The following MAGI2 variants were observed in gnomAD, a reference collection of about 807,000 sequenced individuals.
MAGI2 encodes membrane-associated guanylate kinase, WW and PDZ domain-containing protein 2.
MAGI2 carries 35 observed loss-of-function variants against 133.3 expected under a neutral mutation model. The ratio of observed to expected loss-of-function variants is 0.26; its 90% CI spans 0.20 to 0.35. The LOEUF is 0.35. Ranked by LOEUF, MAGI2 falls within the 10% of genes least tolerant of loss-of-function variation. The pLI, the probability that MAGI2 is intolerant of heterozygous loss-of-function variation, is 1.00. For missense variants in MAGI2, 1,636 were observed against 1,863.4 expected (o/e 0.88, Z 2.25); for synonymous variants, 729 against 710.6 (o/e 1.03, Z -0.41).
chr7:78,327,350 T>C (rs1584890071), intron 9 of MAGI2, among the ~76,000 whole-genome samples: 1 of 152,250 alleles, frequency 6.6e-6, no homozygotes. Flanking sequence ...TTTCCTGTTA[T>C]GACTGGCAAA....
In MAGI2 at chr7:78,493,328, T is replaced by C. The variant is rs143878606; in HGVS notation, c.966-3488A>G. On this transcript the variant is annotated intron_variant, in intron 5 of 21. Coordinates refer to ENST00000354212, the MANE Select transcript of MAGI2 (RefSeq NM_012301.4). ...GAAAACATTCTTCTCACATAGAACA[T>C]GCTTCATTTCAACAAGAAAAGCTAT... Among the ~76,000 whole-genome samples, 819 of 152,328 alleles carry C rather than the reference T, an allele frequency of 5.4e-3. 11 individuals carry two copies. Among genetic ancestry groups the C allele is most frequent in the African/African-American group, 0.019 (786 of 41,576 alleles).
chr7:78,569,903 T>C (rs1259556072), intron 3 of MAGI2, among the ~76,000 whole-genome samples: 1 of 152,244 alleles, frequency 6.6e-6, no homozygotes, highest in East Asian at 1.9e-4. Context: ...GTACGTAATC[T>C]TTTTGCCTGA....
At chr7:78,350,291 T>C (rs1353614359) in intron 7 of MAGI2, 1 of 152,210 alleles carries the variant, frequency 6.6e-6, no homozygotes, top group Non-Finnish European at 1.5e-5. Flanking sequence ...AGTAAGTTCG[T>C]ATGTGGCAGT....
chr7:78,258,203 C>G (rs769528393), intron 9 of MAGI2, among the ~76,000 whole-genome samples: 2 of 152,106 alleles, frequency 1.3e-5, no homozygotes, highest in African/African-American at 4.8e-5. Context: ...CGTGGGTCCA[C>G]GGCTCAGAAC....
At chr7:78,520,062 G>C (rs1796365366) in intron 4 of MAGI2, among the ~76,000 whole-genome samples, 1 of 152,140 alleles carries the variant, frequency 6.6e-6, no homozygotes, top group Admixed American at 6.6e-5. Context: ...CATTTCATAG[G>C]AGACAAGTTA....
chr7:78,078,847 T>G, intron 21 of MAGI2, 100 bp downstream of exon 21: 6 of 1,317,598 alleles, frequency 4.6e-6, no homozygotes, highest in Non-Finnish European at 4.4e-6. Flanking sequence ...AATATATATT[T>G]AGGTAGAAGT....
rs1049711816 is a variant in MAGI2, at chr7:78,969,027, A to G, written c.418+38063T>C. On this transcript the variant is annotated intron_variant, in intron 2 of 21. Coordinates refer to ENST00000354212, the MANE Select transcript of MAGI2 (RefSeq NM_012301.4). ...CTGCAAGTATAGCTATGTAAGCTAGAGGCTTGCATATGTAAATGCCAGCAG... is the reference window on the plus strand; with the variant it reads ...CTGCAAGTATAGCTATGTAAGCTAGGGGCTTGCATATGTAAATGCCAGCAG... 5.3e-5 allele frequency among the ~76,000 whole-genome samples: 8 copies of G among 152,242 alleles called. No homozygotes were observed. The East Asian group carries it at 1.6e-3, about 30-fold the overall frequency.
intron 3 of MAGI2, among the ~76,000 whole-genome samples, chr7:78,584,371 G>C (rs1803166564): frequency 8.1e-6 from 1 of 122,778 alleles, no homozygotes; most frequent in East Asian, 2.3e-4. Flanking sequence ...AGTGAGCCAA[G>C]ATCGTACCAC....
chr7:78,520,821 T>C (rs1463079588), intron 4 of MAGI2, among the ~76,000 whole-genome samples: 2 of 152,196 alleles, frequency 1.3e-5, no homozygotes, highest in African/African-American at 4.8e-5. Context: ...GCTATTATTT[T>C]GCTTGTACAA....
rs1296846466 is a variant in MAGI2, at chr7:78,355,906, C to T, written c.1104-9863G>A. ...GTGATCACGTGCATAGAAACAGTGACTGAACGTGTTTTACCAGAAAATGTG... is the reference window on the plus strand; with the variant it reads ...GTGATCACGTGCATAGAAACAGTGATTGAACGTGTTTTACCAGAAAATGTG... On this transcript the variant is annotated intron_variant, in intron 7 of 21. Coordinates refer to ENST00000354212, the MANE Select transcript of MAGI2 (RefSeq NM_012301.4). Among the ~76,000 whole-genome samples, 3 of 152,116 alleles carry T rather than the reference C, an allele frequency of 2.0e-5. No homozygotes were observed. In the East Asian group the frequency reaches 5.8e-4, roughly 29 times the overall value.
At chr7:79,202,339 G>T (rs1426473785) in intron 1 of MAGI2, among the ~76,000 whole-genome samples, 3 of 151,884 alleles carry the variant, frequency 2.0e-5, no homozygotes, top group African/African-American at 7.3e-5. Context: ...ACTTAATTGG[G>T]AATGAGGAAG....
At chr7:79,305,731 G>T (rs966736808) in intron 1 of MAGI2, among the ~76,000 whole-genome samples, 4 of 151,984 alleles carry the variant, frequency 2.6e-5, no homozygotes, top group African/African-American at 9.7e-5. Context: ...AAAACAGTGA[G>T]ACCCTGTCTC....
chr7:78,555,262 C>A (rs1167309014), intron 3 of MAGI2, among the ~76,000 whole-genome samples: 2 of 151,356 alleles, frequency 1.3e-5, no homozygotes, highest in Non-Finnish European at 1.5e-5. Flanking sequence ...TTAACTACTT[C>A]TTGGGACTTT....
intron 7 of MAGI2, chr7:78,347,420 T>C (rs1791036470): frequency 6.6e-6 from 1 of 152,286 alleles, no homozygotes; most frequent in Admixed American, 6.5e-5. Flanking sequence ...AGTCCTGTAT[T>C]CAAATTCCAG....
At chr7:78,825,576 A>AT (rs1282354471) in intron 2 of MAGI2, among the ~76,000 whole-genome samples, 1 of 152,192 alleles carries the variant, frequency 6.6e-6, no homozygotes, top group Non-Finnish European at 1.5e-5. Context: ...ATTAGAGCTC[A>AT]TTTTTAAGAA....
intron 1 of MAGI2, among the ~76,000 whole-genome samples, chr7:79,020,493 G>A (rs964613993): frequency 2.4e-4 from 36 of 152,068 alleles, no homozygotes; most frequent in East Asian, 3.9e-4. Context: ...CTGGTCAGGC[G>A]CGGTGGCTGA....
chr7:79,144,916 TAGTC>T (rs1200797283), intron 1 of MAGI2, among the ~76,000 whole-genome samples: 1 of 152,216 alleles, frequency 6.6e-6, no homozygotes, highest in Non-Finnish European at 1.5e-5. Context: ...CAATTTATCT[TAGTC>T]AGGAAATGTG....
intron 2 of MAGI2, among the ~76,000 whole-genome samples, chr7:78,929,460 T>C (rs1180285613): frequency 6.6e-6 from 1 of 151,990 alleles, no homozygotes; most frequent in Admixed American, 6.6e-5. Flanking sequence ...AGATCAGAAG[T>C]AAAAATCAAG....
At chr7:78,555,203 TA>T (rs1563162858) in intron 3 of MAGI2, among the ~76,000 whole-genome samples, 2 of 113,510 alleles carry the variant, frequency 1.8e-5, no homozygotes, top group African/African-American at 8.0e-5. Context: ...GATGGATGGA[TA>T]GATAGATAGA....
Sources: gnomAD v4.1 joint callset for allele counts (sites outside exome capture counted in the v4.1 genomes callset) on GRCh38, gnomAD v4.1.1 for gene constraint, MANE v1.5 for transcripts, NCBI Gene and HGNC (gene_info 2026-07-23, HGNC 2026-07-21) for gene names.